MYO16: variants seen among roughly 807,000 people sequenced by gnomAD.
The protein encoded by MYO16 is unconventional myosin-XVI.
A neutral mutation model predicts 205.3 loss-of-function variants in MYO16; 94 were observed. The ratio of observed to expected loss-of-function variants is 0.46; its 90% confidence interval spans 0.39 to 0.54. MYO16 has a LOEUF of 0.54. Ranked by LOEUF, MYO16 falls within the 20% of genes least tolerant of loss-of-function variation. MYO16 has a pLI of 0.00. For missense variants in MYO16, 2,315 were observed against 2,387.5 expected, an observed-to-expected ratio of 0.97 and a Z score of 0.63; for synonymous variants, 988 against 954.0, an observed-to-expected ratio of 1.04 and a Z score of -0.66.
At chr13:108,763,145 G>A (rs1382633037) in intron 4 of MYO16, among the ~76,000 whole-genome samples, 3 of 152,110 alleles carry the variant, frequency 2.0e-5, no homozygotes, top group African/African-American at 7.2e-5. Context: ...TCTACTATGA[G>A]CCAGGAATGA....
At chr13:108,566,117 A>G in the MYO16 span, among the ~76,000 whole-genome samples, 8 of 151,998 alleles carry the variant, frequency 5.3e-5, no homozygotes, top group African/African-American at 1.9e-4. Context: ...TAGTTCTTTA[A>G]ATATTTGCTA....
the MYO16 span, among the ~76,000 whole-genome samples, chr13:108,554,839 G>C: frequency 3.8e-5 from 4 of 105,178 alleles, no homozygotes; most frequent in Non-Finnish European, 5.2e-5. Context: ...GACAGAGAGA[G>C]ACTCTGACTA....
At chr13:109,027,284 T>C (rs749936198) in intron 23 of MYO16, among the ~76,000 whole-genome samples, 1 of 152,156 alleles carries the variant, frequency 6.6e-6, no homozygotes, top group Non-Finnish European at 1.5e-5. Flanking sequence ...AAAGATTTAA[T>C]CCAGCCGGAC....
the MYO16 span, among the ~76,000 whole-genome samples, chr13:108,559,323 G>A: frequency 6.6e-6 from 1 of 152,124 alleles, no homozygotes; most frequent in African/African-American, 2.4e-5. Context: ...CAAATGCATG[G>A]AGCAGGTTTT....
At chr13:108,762,862 T>A (rs551752943) in intron 4 of MYO16, among the ~76,000 whole-genome samples, 1 of 152,204 alleles carries the variant, frequency 6.6e-6, no homozygotes, top group Non-Finnish European at 1.5e-5. Context: ...CATTGATAGA[T>A]GTGGTCTTTG....
At chr13:108,823,088 C>A in intron 8 of MYO16, 37 bp from the exon 9 acceptor site, 1 of 1,557,810 alleles carries the variant, frequency 6.4e-7, no homozygotes, top group Non-Finnish European at 8.7e-7. Flanking sequence ...TATCACCACC[C>A]ATCATTTTTC....
At chr13:108,949,897 A>AT (rs1413207454) in intron 16 of MYO16, among the ~76,000 whole-genome samples, 1 of 152,082 alleles carries the variant, frequency 6.6e-6, no homozygotes, top group Non-Finnish European at 1.5e-5. Flanking sequence ...CCAAAAGGTG[A>AT]TTTTTTGATG....
At chr13:108,620,828 A>G (rs1879514125) in intron 1 of MYO16, among the ~76,000 whole-genome samples, 2 of 152,116 alleles carry the variant, frequency 1.3e-5, no homozygotes, top group South Asian at 4.1e-4. Context: ...ATAATTTCCT[A>G]TGATATTTAT....
At chr13:108,608,257 C>T (rs1288495956) in intron 1 of MYO16, among the ~76,000 whole-genome samples, 1 of 152,156 alleles carries the variant, frequency 6.6e-6, no homozygotes, top group Non-Finnish European at 1.5e-5. Flanking sequence ...CTTTGTAGCT[C>T]CTGGTGGCAT....
chr13:109,057,762 C>A (rs1340822129), intron 27 of MYO16, among the ~76,000 whole-genome samples: 1 of 152,078 alleles, frequency 6.6e-6, no homozygotes, highest in Non-Finnish European at 1.5e-5. Flanking sequence ...ACAATAGATT[C>A]CCCAAATTTA....
intron 6 of MYO16, among the ~76,000 whole-genome samples, chr13:108,806,349 G>C (rs1306353529): frequency 6.6e-6 from 1 of 152,286 alleles, no homozygotes; most frequent in East Asian, 1.9e-4. Flanking sequence ...CTTTGGGCAA[G>C]AAGTGGTAAG....
chr13:108,833,678 T>G, intron 9 of MYO16, among the ~76,000 whole-genome samples: 1 of 152,336 alleles, frequency 6.6e-6, no homozygotes, highest in African/African-American at 2.4e-5. Flanking sequence ...GTTTCCATTT[T>G]CAGAAATAAA....
intron 22 of MYO16, among the ~76,000 whole-genome samples, chr13:109,019,217 A>G (rs1885937679): frequency 6.6e-6 from 1 of 152,006 alleles, no homozygotes; most frequent in African/African-American, 2.4e-5. Context: ...GAGCTCAATG[A>G]CCTGGCTGCG....
At chr13:108,896,691 G>A (rs1171695340) in intron 14 of MYO16, among the ~76,000 whole-genome samples, 3 of 151,920 alleles carry the variant, frequency 2.0e-5, no homozygotes, top group Non-Finnish European at 2.9e-5. Context: ...AAGCAGCCGC[G>A]CGTGGTGGCT....
At chr13:108,542,895 TATA>T in the MYO16 span, among the ~76,000 whole-genome samples, 2 of 151,370 alleles carry the variant, frequency 1.3e-5, no homozygotes, top group Non-Finnish European at 2.9e-5. Context: ...TAATTTATTT[TATA>T]ATAATGTGAT....
chr13:109,022,333 T>A lies in MYO16; in HGVS notation c.2796+2422T>A, dbSNP rs9514960. ...TTATATATTATATACAAATATATAT[T>A]TATATATTATATACAAATATATATG... is the stretch of plus-strand genomic sequence containing the variant. On this transcript the variant is annotated intron_variant, in intron 23 of 34. Coordinates refer to ENST00000457511, the MANE Select transcript of MYO16 (RefSeq NM_001198950.3). Among the ~76,000 whole-genome samples, 74 of 29,566 alleles carry A rather than the reference T, an allele frequency of 2.5e-3. 1 individual carries two copies. Among genetic ancestry groups the A allele is most frequent in the African/African-American group, 0.012 (70 of 5,784 alleles). The allele number at this position is 29,566 out of a possible 152,430, so 19.4% of individuals were successfully genotyped here. A position where few individuals can be genotyped will look rare whatever the true frequency, so the allele number is the denominator to read the frequency against.
At chr13:108,876,915 C>T (rs1309866992) in intron 12 of MYO16, among the ~76,000 whole-genome samples, 5 of 152,114 alleles carry the variant, frequency 3.3e-5, no homozygotes, top group Admixed American at 2.0e-4. Flanking sequence ...ATCTGCTCAC[C>T]TCAGTCCCCC....
At chr13:108,681,449 AAT>A in intron 2 of MYO16, among the ~76,000 whole-genome samples, 1 of 152,204 alleles carries the variant, frequency 6.6e-6, no homozygotes, top group Non-Finnish European at 1.5e-5. Context: ...TTGTTTGCCA[AAT>A]ATGTTTTCTG....
At chr13:108,531,189 C>T in the MYO16 span, among the ~76,000 whole-genome samples, 7 of 152,230 alleles carry the variant, frequency 4.6e-5, no homozygotes, top group South Asian at 1.5e-3. Flanking sequence ...CAAAGTTAGT[C>T]CGAGGTCAGA....
Sources: allele counts gnomAD v4.1 joint callset (sites outside exome capture counted in the v4.1 genomes callset), GRCh38; gene constraint gnomAD v4.1.1; transcripts MANE v1.5; gene names NCBI Gene and HGNC (gene_info 2026-07-23, HGNC 2026-07-21).